Variants in ACSL5 observed in about 807,000 individuals in gnomAD.
ACSL5 encodes acyl-CoA synthetase long chain family member 5, also known as long-chain-fatty-acid--CoA ligase 5.
ACSL5 carries 50 observed loss-of-function variants against 84.9 expected under a neutral mutation model. That is an observed-to-expected ratio of 0.59 (90% confidence interval 0.47 to 0.75). The LOEUF (loss-of-function observed/expected upper bound fraction) is 0.75. ACSL5 is among the 30% of genes least tolerant of loss of function. ACSL5 has a pLI of 0.00. For missense variants in ACSL5, 775 were observed against 830.4 expected (o/e 0.93, Z 0.82); for synonymous variants, 280 against 300.7 (o/e 0.93, Z 0.71).
chr10:112,410,604 G>A lies in ACSL5; in HGVS notation c.765G>A (p.Leu255=). 2 of 1,613,988 alleles carry A rather than the reference G, an allele frequency of 1.2e-6. No individual in the cohort carries two copies. Among genetic ancestry groups the A allele is most frequent in the African/African-American group, 2.7e-5 (2 of 75,014 alleles). ...TCCAGCCTCCTAGCCCAGAAGACCT[G>A]AGCGTCATCTGCTTCACCAGTGGGA... The part of the protein sequence containing the change: ...RKPVPPSPED[L]SVICFTSGTT... Residue 255 remains leucine, a synonymous_variant, in exon 9 of 21, where the codon CTG becomes CTA. Transcript: ENST00000354655.
chr10:112,408,539 C>A lies in ACSL5; in HGVS notation c.532+18C>A. On this transcript the variant is annotated intron_variant, in intron 6 of 20. Transcript: ENST00000354655. ...CAACAAGGGTAAAATTTTGCTGTTA[C>A]ATTACAACTTGATTCTTTCTCAATG... 2.0e-6 allele frequency: 3 copies of A among 1,485,720 alleles called. No homozygotes were observed. The highest frequency in any genetic ancestry group is 2.3e-5 in the East Asian group (1 of 44,214). 92.0% of individuals were successfully genotyped at this position (1,485,720 alleles called of 1,614,324 possible). A position where few individuals can be genotyped will look rare whatever the true frequency, so the allele number is the denominator to read the frequency against.
chr10:112,378,242 T>C (rs919704909), intron 1 of ACSL5, among the ~76,000 whole-genome samples: 1 of 124,040 alleles, frequency 8.1e-6, no homozygotes, highest in Non-Finnish European at 1.7e-5. Context: ...TTTTTTTTTT[T>C]TTTTTTTTTT....
At chr10:112,383,238 A>G (rs906240497) in intron 1 of ACSL5, among the ~76,000 whole-genome samples, 1 of 152,258 alleles carries the variant, frequency 6.6e-6, no homozygotes, top group Non-Finnish European at 1.5e-5. Context: ...TGAGCTGAGC[A>G]TGTTAGGATG....
intron 6 of ACSL5, 102 bp from the exon 7 acceptor site, chr10:112,409,405 A>C (rs1844123924): frequency 1.0e-6 from 1 of 977,580 alleles, no homozygotes; most frequent in Non-Finnish European, 1.6e-6. Flanking sequence ...TCCTTTGGAC[A>C]CCTGTTAGCT....
chr10:112,392,004 T>C lies in ACSL5; in HGVS notation c.-29-2914T>C, dbSNP rs1470695866. ...CAGAAATTCAACTTTTAGACTCTGA[T>C]TCAAAGACATTGTTTGCAAAGTCTC... On this transcript the variant is annotated intron_variant, in intron 1 of 20. Coordinates refer to ENST00000354655, the MANE Select transcript of ACSL5 (RefSeq NM_203379.2). 2.0e-5 allele frequency among the ~76,000 whole-genome samples: 3 copies of C among 152,214 alleles called. No individual in the cohort carries two copies. The East Asian group carries it at 5.8e-4, about 29-fold the overall frequency.
chr10:112,380,370 A>G (rs1387101439), intron 1 of ACSL5, among the ~76,000 whole-genome samples: 2 of 152,092 alleles, frequency 1.3e-5, no homozygotes, highest in African/African-American at 4.8e-5. Context: ...GGAGTATGTG[A>G]AGGCAATGGC....
chr10:112,416,507 G>A (rs545014418), intron 12 of ACSL5, among the ~76,000 whole-genome samples: 4 of 150,286 alleles, frequency 2.7e-5, no homozygotes, highest in African/African-American at 7.3e-5. Flanking sequence ...CAGATTCGTA[G>A]GCTGCCCTTT....
rs779811517 is a variant in ACSL5, at chr10:112,427,376, C to A, written c.*18C>A. 1.9e-5 allele frequency: 30 copies of A among 1,602,346 alleles called. No individual in the cohort carries two copies. Among genetic ancestry groups the A allele is most frequent in the East Asian group, 2.2e-5 (1 of 44,530 alleles). Reference sequence around the variant, plus strand: ...AGGATTAGGATAAGGTACTTAAGTACCTGCCGGCCCACTGTGCACTGCTTG... The same window carrying A: ...AGGATTAGGATAAGGTACTTAAGTAACTGCCGGCCCACTGTGCACTGCTTG... On this transcript the variant is annotated 3_prime_UTR_variant, in exon 21 of 21. Coordinates refer to ENST00000354655, the MANE Select transcript of ACSL5 (RefSeq NM_203379.2).
At chr10:112,410,677 AAGAACATG>A (rs1480381104) in intron 9 of ACSL5, 42 bp downstream of exon 9, 5 of 1,591,352 alleles carry the variant, frequency 3.1e-6, no homozygotes, top group Non-Finnish European at 4.3e-6. Flanking sequence ...CTGGTCAGCC[AAGAACATG>A]GCTTCAATTC....
At chr10:112,386,731 C>T (rs1254477881) in intron 1 of ACSL5, among the ~76,000 whole-genome samples, 1 of 152,096 alleles carries the variant, frequency 6.6e-6, no homozygotes, top group Admixed American at 6.6e-5. Flanking sequence ...TATGTCTTTC[C>T]ATTTTTCTAG....
At chr10:112,390,218 A>C (rs1849529677) in intron 1 of ACSL5, among the ~76,000 whole-genome samples, 1 of 152,212 alleles carries the variant, frequency 6.6e-6, no homozygotes, top group Non-Finnish European at 1.5e-5. Flanking sequence ...TAAATGGGCA[A>C]AAGACTTGAG....
intron 7 of ACSL5, 74 bp from the exon 8 acceptor site, chr10:112,410,389 G>T (rs747239991): frequency 1.2e-6 from 2 of 1,608,354 alleles, no homozygotes; most frequent in Non-Finnish European, 1.7e-6. Flanking sequence ...GGGAAAGGGA[G>T]GGAGAGGGCC....
chr10:112,398,837 A>G (rs535405004), intron 2 of ACSL5, 64 bp from the exon 3 acceptor site: 1 of 1,383,418 alleles, frequency 7.2e-7, no homozygotes, highest in African/African-American at 1.4e-5. Flanking sequence ...AATTCAATTC[A>G]TAAAGGTTTT....
At chr10:112,395,395 T>A (rs1275855252) in intron 2 of ACSL5, among the ~76,000 whole-genome samples, 2 of 152,224 alleles carry the variant, frequency 1.3e-5, no homozygotes, top group Non-Finnish European at 2.9e-5. Context: ...TTTTACCTTT[T>A]TTAAGGGATG....
chr10:112,396,544 T>G (rs962993367), intron 2 of ACSL5: 1 of 152,220 alleles, frequency 6.6e-6, no homozygotes, highest in African/African-American at 2.4e-5. Flanking sequence ...ATCTAAATTC[T>G]CACAGCTAAG....
rs1844189507 is a variant in ACSL5, at chr10:112,411,960, T to G, written c.929T>G (p.Met310Arg). The G allele has an allele frequency of 6.2e-7, 1 of 1,613,594 alleles. No homozygotes were observed. Among genetic ancestry groups the G allele is most frequent in the Non-Finnish European group, 8.5e-7 (1 of 1,179,456 alleles). The change falls in exon 11 of 21, where the codon ATG becomes AGG. Residue 310 changes from methionine to arginine, a missense_variant. Coordinates refer to ENST00000354655, the MANE Select transcript of ACSL5 (RefSeq NM_203379.2). The stretch of plus-strand genomic sequence containing the variant: ...ATATCCTACCTCCCTCTGGCTCATA[T>G]GTTTGAGAGGATTGTACAGGTGAGT... Reference protein sequence around the residue: ...VAISYLPLAHMFERIVQAVVY... With the variant: ...VAISYLPLAHRFERIVQAVVY...
At position 112,423,361 on chromosome 10, in the gene ACSL5, C is replaced by G. The variant is rs1844553512; in HGVS notation, c.1593+920C>G. ...GAGCTGCCAAAGCTAGAAAGTCTTTCTTAAAAAAAAATTTTTATAGAGATG... is the reference window on the plus strand; with the variant it reads ...GAGCTGCCAAAGCTAGAAAGTCTTTGTTAAAAAAAAATTTTTATAGAGATG... On this transcript the variant is annotated intron_variant, in intron 17 of 20. Transcript: ENST00000354655. Among the ~76,000 whole-genome samples the G allele has an allele frequency of 2.0e-5, 3 of 148,660 alleles. No homozygotes were observed. The Admixed American group carries it at 2.0e-4, about 10-fold the overall frequency.
At chr10:112,410,240 G>A (rs1342409586) in intron 7 of ACSL5, 1 of 1,521,100 alleles carries the variant, frequency 6.6e-7, no homozygotes, top group South Asian at 1.2e-5. Flanking sequence ...GTTTGAACAT[G>A]CAATCTACCC....
At chr10:112,401,027 AG>A (rs1284028841) in intron 3 of ACSL5, among the ~76,000 whole-genome samples, 1 of 152,186 alleles carries the variant, frequency 6.6e-6, no homozygotes, top group African/African-American at 2.4e-5. Flanking sequence ...TCATGGAAGC[AG>A]GCGTGAGAAA....
Sources: allele counts gnomAD v4.1 joint callset (sites outside exome capture counted in the v4.1 genomes callset), GRCh38; gene constraint gnomAD v4.1.1; transcripts MANE v1.5; gene names NCBI Gene and HGNC (gene_info 2026-07-23, HGNC 2026-07-21).